The following SKAP2 variants were observed in gnomAD, a reference collection of about 807,000 sequenced individuals.
SKAP2 encodes src kinase-associated phosphoprotein 2.
Under a neutral mutation model 54.9 loss-of-function variants are expected in SKAP2, and 28 were observed. The observed-to-expected ratio is 0.51, with a 90% CI of 0.38 to 0.70. The LOEUF (loss-of-function observed/expected upper bound fraction) is 0.70, where lower values mean the gene tolerates loss of function less well. SKAP2 is among the 30% of genes least tolerant of loss of function. SKAP2 has a pLI of 0.00. For synonymous variants in SKAP2, 137 were observed against 134.3 expected (o/e 1.02, Z -0.14); for missense variants, 356 against 424.1 (o/e 0.84, Z 1.41).
chr7:26,727,543 G>A (rs1787734575), intron 6 of SKAP2, among the ~76,000 whole-genome samples: 2 of 151,590 alleles, frequency 1.3e-5, no homozygotes, highest in Admixed American at 6.6e-5. Flanking sequence ...TACTCATGAC[G>A]AAAAAGATGT....
chr7:26,670,609 A>AT (rs532866822), intron 11 of SKAP2, among the ~76,000 whole-genome samples: 2 of 152,034 alleles, frequency 1.3e-5, no homozygotes, highest in African/African-American at 2.4e-5. Context: ...GGATAAAATA[A>AT]TTTTTTTTAC....
At chr7:26,683,560 G>GGAAA (rs1786559078) in intron 11 of SKAP2, among the ~76,000 whole-genome samples, 1 of 151,084 alleles carries the variant, frequency 6.6e-6, no homozygotes, top group South Asian at 2.1e-4. Context: ...AAGGAAGGAA[G>GGAAA]GAAGGAAAGA....
chr7:26,788,339 C>T (rs771443051), intron 4 of SKAP2, among the ~76,000 whole-genome samples: 1 of 151,640 alleles, frequency 6.6e-6, no homozygotes, highest in Non-Finnish European at 1.5e-5. Flanking sequence ...AAGAACCTTT[C>T]TATCCCTTCA....
At chr7:26,788,393 A>G (rs1404743500) in intron 4 of SKAP2, among the ~76,000 whole-genome samples, 1 of 152,120 alleles carries the variant, frequency 6.6e-6, no homozygotes, top group Admixed American at 6.5e-5. Context: ...AAAAAATGTT[A>G]TAAGAGAAAT....
intron 1 of SKAP2, among the ~76,000 whole-genome samples, chr7:26,859,848 T>C (rs1164814444): frequency 6.6e-6 from 1 of 152,184 alleles, no homozygotes; most frequent in African/African-American, 2.4e-5. Context: ...GAAATGTAAA[T>C]TCAGTGGAAT....
In SKAP2 at chr7:26,808,681, T is replaced by C. The variant is rs1784077740; in HGVS notation, c.307+35349A>G. ...GGAAGGGACAAGCCTTGGAATAAGA[T>C]GGCTTGGGTCTCAACCTTGGTTCCG... On this transcript the variant is annotated intron_variant, in intron 4 of 12. Coordinates refer to ENST00000345317, the MANE Select transcript of SKAP2 (RefSeq NM_003930.5). Among the ~76,000 whole-genome samples, 5 of 152,040 alleles carry C rather than the reference T, an allele frequency of 3.3e-5. No individual in the cohort carries two copies. In the South Asian group the frequency reaches 1.0e-3, roughly 31 times the overall value.
At chr7:26,834,133 T>A (rs556131128) in intron 4 of SKAP2, among the ~76,000 whole-genome samples, 89 of 152,284 alleles carry the variant, frequency 5.8e-4, no homozygotes, top group Admixed American at 1.9e-3. Flanking sequence ...ATAAATAAGT[T>A]CTTTGAAACC....
chr7:26,730,836 T>C (rs1281924877), intron 6 of SKAP2, among the ~76,000 whole-genome samples: 1 of 152,246 alleles, frequency 6.6e-6, no homozygotes, highest in Non-Finnish European at 1.5e-5. Flanking sequence ...ACTTTTTCAC[T>C]GGCTTTTAGG....
chr7:26,773,197 C>T (rs1207400515), intron 4 of SKAP2, among the ~76,000 whole-genome samples: 1 of 152,200 alleles, frequency 6.6e-6, no homozygotes. Flanking sequence ...CTTACTGTGG[C>T]TGTTACTTAC....
Position 26,864,586 on chromosome 7 carries a change from A to T in SKAP2, c.-157T>A. ...TGCCGGGCCGGGGCTCACAACAAGG[A>T]AGTCACTGAATCTCCAGCGAGCTGC... On this transcript the variant is annotated 5_prime_UTR_variant, in exon 1 of 13. Transcript: ENST00000345317. 7.1e-7 allele frequency: 1 copy of T among 1,406,086 alleles called. No homozygotes were observed. Among genetic ancestry groups the T allele is most frequent in the Non-Finnish European group, 9.2e-7 (1 of 1,082,354 alleles). The allele number at this position is 1,406,086 out of a possible 1,614,324, so 87.1% of individuals were successfully genotyped here.
intron 4 of SKAP2, among the ~76,000 whole-genome samples, chr7:26,791,207 T>C (rs1321351433): frequency 1.3e-5 from 2 of 152,216 alleles, no homozygotes; most frequent in African/African-American, 4.8e-5. Context: ...TTTATTTCTG[T>C]AATACCAAAA....
At chr7:26,725,390 C>G in intron 9 of SKAP2, 38 bp downstream of exon 9, 1 of 1,496,836 alleles carries the variant, frequency 6.7e-7, no homozygotes, top group Non-Finnish European at 9.2e-7. Context: ...ACACACACAG[C>G]CCTAAAATCT....
chr7:26,696,911 C>T (rs1007001421), intron 9 of SKAP2, among the ~76,000 whole-genome samples: 5 of 151,972 alleles, frequency 3.3e-5, no homozygotes, highest in African/African-American at 1.2e-4. Flanking sequence ...CTGTCTCTAA[C>T]AAAAACAAAA....
At chr7:26,824,204 C>T (rs1784443464) in intron 4 of SKAP2, among the ~76,000 whole-genome samples, 1 of 152,050 alleles carries the variant, frequency 6.6e-6, no homozygotes, top group South Asian at 2.1e-4. Context: ...CCTCGACCAG[C>T]AAAAAGGTTA....
intron 11 of SKAP2, among the ~76,000 whole-genome samples, chr7:26,681,723 C>T (rs1035226263): frequency 2.0e-5 from 3 of 152,250 alleles, no homozygotes; most frequent in East Asian, 1.9e-4. Context: ...TTATTATTAA[C>T]AGACAAGTCA....
chr7:26,750,589 G>C (rs934931892), intron 4 of SKAP2, among the ~76,000 whole-genome samples: 1 of 152,068 alleles, frequency 6.6e-6, no homozygotes, highest in African/African-American at 2.4e-5. Context: ...AGGATTATAG[G>C]TGTGAGCCAC....
chr7:26,749,260 G>T (rs1427911397), intron 4 of SKAP2, among the ~76,000 whole-genome samples: 1 of 152,040 alleles, frequency 6.6e-6, no homozygotes, highest in Admixed American at 6.5e-5. Context: ...ACATAATAAA[G>T]ATTAGCATAA....
rs1250638063 is a variant in SKAP2 at position 26,701,141 on chromosome 7, T to C, written c.797-10779A>G. On this transcript the variant is annotated intron_variant, in intron 9 of 12. Coordinates refer to ENST00000345317, the MANE Select transcript of SKAP2 (RefSeq NM_003930.5). The stretch of plus-strand genomic sequence containing the variant: ...CTTATTTATATTACCTAAACAAGCC[T>C]GGAACAAAGAAGGAGTTTGTTTTGG... Among the ~76,000 whole-genome samples the C allele has an allele frequency of 2.0e-5, 3 of 152,320 alleles. No individual in the cohort carries two copies. In the South Asian group the frequency reaches 6.2e-4, roughly 32 times the overall value.
Position 26,734,319 on chromosome 7 carries a change from T to C in SKAP2, c.469+4476A>G, listed in dbSNP as rs905841373. Among the ~76,000 whole-genome samples the C allele has an allele frequency of 3.3e-5, 5 of 152,198 alleles. No homozygotes were observed. In the South Asian group the frequency reaches 1.0e-3, roughly 31 times the overall value. ...CATACAATCCTCTGCTTAAAGGTCA[T>C]ATTCAAAATAAAATCTTTAGCAAGG... is the stretch of plus-strand genomic sequence containing the variant. On this transcript the variant is annotated intron_variant, in intron 6 of 12. Transcript: ENST00000345317.
Sources: gnomAD v4.1 joint callset for allele counts (sites outside exome capture counted in the v4.1 genomes callset) on GRCh38, gnomAD v4.1.1 for gene constraint, MANE v1.5 for transcripts, NCBI Gene and HGNC (gene_info 2026-07-23, HGNC 2026-07-21) for gene names.